Variants in WWOX observed in about 807,000 individuals in gnomAD.
WWOX encodes the protein WW domain-containing oxidoreductase.
WWOX carries 69 observed loss-of-function variants against 46.2 expected under a neutral mutation model. That is an observed-to-expected ratio of 1.49 (90% CI 1.23 to 1.82). WWOX has a LOEUF of 1.82. WWOX is among the 40% of genes most tolerant of loss of function. The pLI is 0.00. For synonymous variants in WWOX, 359 were observed against 202.6 expected (o/e 1.77, Z -6.56); for missense variants, 919 against 542.6 (o/e 1.69, Z -6.89).
chr16:78,514,237 C>G (rs1055605299), intron 8 of WWOX, among the ~76,000 whole-genome samples: 76 of 152,140 alleles, frequency 5.0e-4, no homozygotes, highest in African/African-American at 1.8e-3. Context: ...TAATATCTTT[C>G]CTCCCACACT....
intron 8 of WWOX, among the ~76,000 whole-genome samples, chr16:79,039,498 C>G (rs1403747382): frequency 6.6e-6 from 1 of 152,138 alleles, no homozygotes; most frequent in Admixed American, 6.6e-5. Context: ...ATCGTAAAGG[C>G]TGATTAGAAA....
intron 8 of WWOX, among the ~76,000 whole-genome samples, chr16:78,748,114 C>T (rs1290086965): frequency 6.6e-6 from 1 of 152,084 alleles, no homozygotes; most frequent in Admixed American, 6.6e-5. Flanking sequence ...CAGACCGGAC[C>T]CTCCACTCCT....
chr16:78,167,738 C>G (rs1200868282), intron 5 of WWOX: 1 of 152,184 alleles, frequency 6.6e-6, no homozygotes, highest in Non-Finnish European at 1.5e-5. Context: ...TTGCACCATT[C>G]ATACCCTGCA....
chr16:78,800,014 C>A (rs909648318), intron 8 of WWOX, among the ~76,000 whole-genome samples: 2 of 152,116 alleles, frequency 1.3e-5, no homozygotes, highest in Non-Finnish European at 2.9e-5. Context: ...TCTCCTTCCC[C>A]ATTAAAATGG....
intron 1 of WWOX, among the ~76,000 whole-genome samples, chr16:78,102,339 A>T (rs2031853234): frequency 6.6e-6 from 1 of 152,108 alleles, no homozygotes; most frequent in African/African-American, 2.4e-5. Flanking sequence ...AGGGTCCAGG[A>T]ATGTGAAGGT....
At chr16:78,519,492 T>C (rs1321823636) in intron 8 of WWOX, among the ~76,000 whole-genome samples, 1 of 146,706 alleles carries the variant, frequency 6.8e-6, no homozygotes, top group Admixed American at 6.7e-5. Context: ...ATCTATGAAA[T>C]ATATATATAT....
chr16:78,304,484 C>T (rs919874072), intron 5 of WWOX, among the ~76,000 whole-genome samples: 1 of 152,140 alleles, frequency 6.6e-6, no homozygotes. Context: ...TCCAGCACAC[C>T]CATAGTGCTA....
chr16:79,184,153 C>A (rs2050967513), intron 8 of WWOX, among the ~76,000 whole-genome samples: 1 of 152,086 alleles, frequency 6.6e-6, no homozygotes, highest in Admixed American at 6.6e-5. Flanking sequence ...TAAATTAAAC[C>A]CTCCCCCAAA....
chr16:79,208,290 C>G (rs1174306872), intron 8 of WWOX, among the ~76,000 whole-genome samples: 2 of 152,118 alleles, frequency 1.3e-5, no homozygotes, highest in Non-Finnish European at 1.5e-5. Flanking sequence ...CAACCTAACT[C>G]ATTGCCATTG....
intron 8 of WWOX, among the ~76,000 whole-genome samples, chr16:79,123,102 G>C (rs542975006): frequency 6.6e-6 from 1 of 152,158 alleles, no homozygotes; most frequent in African/African-American, 2.4e-5. Flanking sequence ...GTAATTTCTG[G>C]TCTGTGCGTG....
chr16:78,889,984 G>GT (rs369964808), intron 8 of WWOX, among the ~76,000 whole-genome samples: 16 of 150,818 alleles, frequency 1.1e-4, no homozygotes, highest in East Asian at 5.8e-4. Context: ...ATGAATCTCT[G>GT]TTTTTTTTTC....
intron 6 of WWOX, among the ~76,000 whole-genome samples, chr16:78,392,581 A>AT (rs917701966): frequency 1.3e-5 from 2 of 152,106 alleles, no homozygotes; most frequent in Admixed American, 1.3e-4. Context: ...TGCCAAAAAA[A>AT]TTTGGAAACC....
At chr16:78,515,451 A>C (rs2085465275) in intron 8 of WWOX, among the ~76,000 whole-genome samples, 1 of 152,170 alleles carries the variant, frequency 6.6e-6, no homozygotes, top group African/African-American at 2.4e-5. Context: ...ATGAGACACC[A>C]GCTCTTTTTA....
At chr16:78,983,650 C>G (rs1168446859) in intron 8 of WWOX, among the ~76,000 whole-genome samples, 2 of 152,064 alleles carry the variant, frequency 1.3e-5, no homozygotes, top group Non-Finnish European at 2.9e-5. Flanking sequence ...GACTTCCAGC[C>G]AATGGAATCG....
rs879592229 is a variant in WWOX, at chr16:78,894,049, T to TATTATTATTATTATTATA, written c.1057-317557_1057-317556insTATTATTATTATTATAAT. 8.0e-3 allele frequency among the ~76,000 whole-genome samples: 1,191 copies of TATTATTATTATTATTATA among 148,086 alleles called. 36 individuals are homozygous for TATTATTATTATTATTATA. Among genetic ancestry groups the TATTATTATTATTATTATA allele is most frequent in the Admixed American group, 0.046 (679 of 14,690 alleles). On this transcript the variant is annotated intron_variant, in intron 8 of 8. Coordinates refer to ENST00000566780, the MANE Select transcript of WWOX (RefSeq NM_016373.4). ...TTATTATTATTATTATTATTATTAT[T>TATTATTATTATTATTATA]ATATTTTGAGACAGGGTCTTGCTTT...
At chr16:78,132,446 A>G (rs1257977003) in intron 4 of WWOX, among the ~76,000 whole-genome samples, 2 of 152,186 alleles carry the variant, frequency 1.3e-5, no homozygotes, top group Non-Finnish European at 2.9e-5. Context: ...AAATGTGTGT[A>G]TCTGTGGTCA....
chr16:78,191,808 A>G (rs1050804579), intron 5 of WWOX, among the ~76,000 whole-genome samples: 5 of 152,154 alleles, frequency 3.3e-5, no homozygotes, highest in Admixed American at 6.5e-5. Context: ...TAATTATTAG[A>G]ACAGTTCTCA....
chr16:78,755,841 C>T (rs1486093194), intron 8 of WWOX, among the ~76,000 whole-genome samples: 1 of 152,188 alleles, frequency 6.6e-6, no homozygotes, highest in Non-Finnish European at 1.5e-5. Flanking sequence ...CAAGTAACCA[C>T]CCCAGATTTT....
At chr16:78,147,345 T>TC (rs1305074711) in intron 4 of WWOX, among the ~76,000 whole-genome samples, 8 of 152,198 alleles carry the variant, frequency 5.3e-5, no homozygotes, top group Non-Finnish European at 1.0e-4. Context: ...GAGTCATTGA[T>TC]TTTAGGCAAG....
Sources: gnomAD v4.1 joint callset for allele counts (sites outside exome capture counted in the v4.1 genomes callset) on GRCh38, gnomAD v4.1.1 for gene constraint, MANE v1.5 for transcripts, NCBI Gene and HGNC (gene_info 2026-07-23, HGNC 2026-07-21) for gene names.